The following POC5 variants were observed in gnomAD, a reference collection of about 807,000 sequenced individuals.
The protein encoded by POC5 is centrosomal protein POC5.
POC5 carries 48 observed loss-of-function variants against 62.9 expected under a neutral mutation model. The observed-to-expected ratio is 0.76, with a 90% CI of 0.61 to 0.97. The LOEUF is 0.97. Ranked by LOEUF, POC5 falls within the 50% of genes least tolerant of loss-of-function variation. The pLI is 0.00. For synonymous variants in POC5, 236 were observed against 228.2 expected (o/e 1.03, Z -0.31); for missense variants, 696 against 679.5 (o/e 1.02, Z -0.27).
chr5:75,703,078 C>T (rs1776957915), intron 4 of POC5, among the ~76,000 whole-genome samples: 1 of 152,178 alleles, frequency 6.6e-6, no homozygotes, highest in African/African-American at 2.4e-5. Context: ...CTTCATATAT[C>T]CAGGTCCAGC....
intron 1 of POC5, among the ~76,000 whole-genome samples, chr5:75,715,550 C>T (rs1777522843): frequency 6.6e-6 from 1 of 151,968 alleles, no homozygotes; most frequent in South Asian, 2.1e-4. Flanking sequence ...GAGAACAGCA[C>T]GGGGGAAATC....
Position 75,705,688 on chromosome 5 carries a change from TAAAG to T in POC5, c.307+12_307+15del. ...ATGTTGTATATTAATACAAATAAGC[TAAAG>T]AAAAATCATACCATCTGTCTTTGAA... is the stretch of plus-strand genomic sequence containing the variant. On this transcript the variant is annotated intron_variant, in intron 4 of 11. Transcript: ENST00000428202. 1 of 1,470,852 alleles carries T rather than the reference TAAAG, an allele frequency of 6.8e-7. No individual in the cohort carries two copies. The highest frequency in any genetic ancestry group is 1.4e-5 in the African/African-American group (1 of 70,310). The allele number at this position is 1,470,852 out of a possible 1,614,324, so 91.1% of individuals were successfully genotyped here.
At chr5:75,697,983 A>C (rs7732100) in intron 5 of POC5, among the ~76,000 whole-genome samples, 27,624 of 126,080 alleles carry the variant, frequency 0.22, 2,969 homozygotes, top group African/African-American at 0.28. Flanking sequence ...GCCATTACAT[A>C]ATGGTAAAGG....
chr5:75,701,262 C>G (rs1455384602), intron 5 of POC5, among the ~76,000 whole-genome samples: 1 of 139,940 alleles, frequency 7.1e-6, no homozygotes, highest in African/African-American at 2.6e-5. Context: ...TATAAAGACA[C>G]ATGCACACGT....
At chr5:75,715,540 G>A (rs1053656303) in intron 1 of POC5, among the ~76,000 whole-genome samples, 5 of 152,074 alleles carry the variant, frequency 3.3e-5, no homozygotes, top group Non-Finnish European at 7.3e-5. Context: ...TCACTATCAT[G>A]AGAACAGCAC....
At chr5:75,695,042 T>C (rs1776503318) in intron 5 of POC5, among the ~76,000 whole-genome samples, 1 of 152,198 alleles carries the variant, frequency 6.6e-6, no homozygotes, top group Admixed American at 6.5e-5. Flanking sequence ...AAGCTAATTT[T>C]TTCCTATTTT....
At chr5:75,692,943 A>T (rs574573673) in intron 6 of POC5, among the ~76,000 whole-genome samples, 5 of 151,176 alleles carry the variant, frequency 3.3e-5, no homozygotes, top group Admixed American at 1.3e-4. Context: ...CGACTGTCCA[A>T]TGATTTTCTG....
intron 6 of POC5, among the ~76,000 whole-genome samples, chr5:75,693,172 CATT>C (rs1033958448): frequency 6.9e-6 from 1 of 143,974 alleles, no homozygotes. Context: ...ATATTAATAA[CATT>C]ATATATAACT....
At chr5:75,690,603 T>C (rs1305770344) in intron 7 of POC5, 41 bp from the exon 8 acceptor site, 1 of 1,427,042 alleles carries the variant, frequency 7.0e-7, no homozygotes, top group Non-Finnish European at 9.6e-7. Context: ...CACAGTTGAT[T>C]GATAAATATA....
intron 7 of POC5, among the ~76,000 whole-genome samples, 185 bp from the exon 8 acceptor site, chr5:75,690,747 A>G (rs897381175): frequency 1.3e-5 from 2 of 152,234 alleles, no homozygotes; most frequent in African/African-American, 4.8e-5. Flanking sequence ...CGTAGTTCAC[A>G]TAAGTAGATG....
rs35282624 is a variant in POC5, at chr5:75,676,830, A to AG, written c.1584+943_1584+944insC. Among the ~76,000 whole-genome samples the AG allele has an allele frequency of 1.5e-4, 15 of 97,630 alleles. No homozygotes were observed. The South Asian group carries it at 3.6e-3, about 23-fold the overall frequency. 64.0% of individuals were successfully genotyped at this position (97,630 alleles called of 152,430 possible). A position where few individuals can be genotyped will look rare whatever the true frequency, so the allele number is the denominator to read the frequency against. The stretch of plus-strand genomic sequence containing the variant: ...GACAAGAGAGAAACTCTGTCTCAAA[A>AG]AAAAAAATAAATAAAAAATAAATAA... On this transcript the variant is annotated intron_variant, in intron 11 of 11. Coordinates refer to ENST00000428202, the MANE Select transcript of POC5 (RefSeq NM_001099271.2).
intron 3 of POC5, among the ~76,000 whole-genome samples, chr5:75,706,079 A>C (rs1299360179): frequency 6.6e-6 from 1 of 152,240 alleles, no homozygotes; most frequent in Admixed American, 6.5e-5. Flanking sequence ...GGTGAATGAC[A>C]TTAGAACTTA....
chr5:75,700,878 A>C (rs1776846666), intron 5 of POC5, among the ~76,000 whole-genome samples: 1 of 138,392 alleles, frequency 7.2e-6, no homozygotes, highest in Non-Finnish European at 1.6e-5. Context: ...TACAAGAAAA[A>C]AGCAAACAAC....
chr5:75,706,752 T>C (rs1198916923), intron 3 of POC5, among the ~76,000 whole-genome samples: 4 of 152,140 alleles, frequency 2.6e-5, no homozygotes, highest in South Asian at 2.1e-4. Flanking sequence ...GGTTTTGCTA[T>C]GTTGCCTAGG....
At chr5:75,692,209 A>G (rs566500383) in intron 7 of POC5, among the ~76,000 whole-genome samples, 187 bp downstream of exon 7, 33 of 152,288 alleles carry the variant, frequency 2.2e-4, no homozygotes, top group Non-Finnish European at 4.6e-4. Flanking sequence ...TATATATATT[A>G]TATGTCAATA....
Position 75,707,768 on chromosome 5 carries a change from A to C in POC5, c.192T>G (p.Ile64Met). The change falls in exon 3 of 12, where the codon ATT (isoleucine) becomes ATG (methionine). Residue 64 changes from isoleucine (I) to methionine (M), a missense_variant. Coordinates refer to ENST00000428202, the MANE Select transcript of POC5 (RefSeq NM_001099271.2). ...TATGAAGAATATCATGAATTGTAGA[A>C]ATTCTGACATCTGGCACCAATTCTC... Reference protein sequence around the residue: ...PKGELVPDVRISTIHDILHSQ... With the variant: ...PKGELVPDVRMSTIHDILHSQ... 6.4e-7 allele frequency: 1 copy of C among 1,558,446 alleles called. No individual in the cohort carries two copies. Among genetic ancestry groups the C allele is most frequent in the Non-Finnish European group, 8.7e-7 (1 of 1,146,818 alleles).
chr5:75,678,280 G>GTAA (rs914304690), intron 10 of POC5, among the ~76,000 whole-genome samples: 6 of 151,902 alleles, frequency 3.9e-5, no homozygotes, highest in African/African-American at 1.5e-4. Context: ...TCCTGCCATG[G>GTAA]TTACATCTGA....
rs1776049142 is a variant in POC5, at chr5:75,685,192, A to G, written c.1407+15T>C. 6 of 1,589,820 alleles carry G rather than the reference A, an allele frequency of 3.8e-6. No individual in the cohort carries two copies. Among genetic ancestry groups the G allele is most frequent in the Non-Finnish European group, 5.1e-6 (6 of 1,167,970 alleles). On this transcript the variant is annotated intron_variant, in intron 10 of 11. Transcript: ENST00000428202. ...GCCCTTTTCATAAGGTGGGACCTGTATAAACTGTACTAACCATTTCTTCTG... is the reference window on the plus strand; with the variant it reads ...GCCCTTTTCATAAGGTGGGACCTGTGTAAACTGTACTAACCATTTCTTCTG...
chr5:75,693,655 A>G (rs181798260), intron 6 of POC5, among the ~76,000 whole-genome samples: 1 of 152,342 alleles, frequency 6.6e-6, no homozygotes, highest in East Asian at 1.9e-4. Context: ...GTTCAATTTT[A>G]TACGAAATCA....
Sources: allele counts gnomAD v4.1 joint callset (sites outside exome capture counted in the v4.1 genomes callset), GRCh38; gene constraint gnomAD v4.1.1; transcripts MANE v1.5; gene names NCBI Gene and HGNC (gene_info 2026-07-23, HGNC 2026-07-21).